Variants in PPP2R3A observed in about 807,000 individuals in gnomAD.
PPP2R3A encodes the protein protein phosphatase 2 regulatory subunit B''alpha.
In PPP2R3A, 80 loss-of-function variants were observed where a neutral mutation model predicts 106.9. That is an observed-to-expected ratio of 0.75 (90% CI 0.62 to 0.90). The LOEUF is 0.90. Among genes scored for constraint, PPP2R3A ranks in the 40% least tolerant of loss-of-function variants. PPP2R3A has a pLI of 0.00. For synonymous variants in PPP2R3A, 483 were observed against 468.3 expected (o/e 1.03, Z -0.41); for missense variants, 1,386 against 1,350.4 (o/e 1.03, Z -0.41).
intron 2 of PPP2R3A, among the ~76,000 whole-genome samples, chr3:136,008,981 C>T (rs1161664878): frequency 6.6e-6 from 1 of 152,090 alleles, no homozygotes; most frequent in African/African-American, 2.4e-5. Flanking sequence ...ATCCCCCACC[C>T]CACTTTCCTC....
At chr3:136,137,806 G>T (rs1938687772) in intron 13 of PPP2R3A, among the ~76,000 whole-genome samples, 1 of 152,112 alleles carries the variant, frequency 6.6e-6, no homozygotes, top group Non-Finnish European at 1.5e-5. Flanking sequence ...CTCCCAAAGT[G>T]CTGGGATTAC....
At chr3:136,011,239 C>T (rs896099020) in intron 2 of PPP2R3A, among the ~76,000 whole-genome samples, 1 of 151,904 alleles carries the variant, frequency 6.6e-6, no homozygotes, top group Admixed American at 6.5e-5. Flanking sequence ...TCCCCTAACA[C>T]TTATCACCCC....
At chr3:136,039,349 T>C (rs535518366) in intron 3 of PPP2R3A, among the ~76,000 whole-genome samples, 1 of 152,292 alleles carries the variant, frequency 6.6e-6, no homozygotes, top group East Asian at 1.9e-4. Context: ...TGTGTAGAAA[T>C]TGAGATGATT....
intron 6 of PPP2R3A, among the ~76,000 whole-genome samples, chr3:136,073,639 A>C (rs1319338404): frequency 6.6e-6 from 1 of 152,238 alleles, no homozygotes; most frequent in Non-Finnish European, 1.5e-5. Flanking sequence ...GGAACATTTC[A>C]CGTGAATATG....
At chr3:136,078,673 G>T (rs1273386884) in intron 7 of PPP2R3A, among the ~76,000 whole-genome samples, 1 of 152,196 alleles carries the variant, frequency 6.6e-6, no homozygotes. Flanking sequence ...ATGCACTCTG[G>T]AGCAAAAGAG....
chr3:136,052,701 C>T (rs966175568), intron 5 of PPP2R3A, among the ~76,000 whole-genome samples: 50 of 152,148 alleles, frequency 3.3e-4, no homozygotes, highest in African/African-American at 9.4e-4. Flanking sequence ...CAGACAACAA[C>T]AAAATCATAA....
intron 13 of PPP2R3A, among the ~76,000 whole-genome samples, chr3:136,132,658 C>T (rs1252745338): frequency 6.6e-6 from 1 of 151,718 alleles, no homozygotes; most frequent in East Asian, 1.9e-4. Context: ...GAAGGCTCAG[C>T]GTTGTTAAAA....
At chr3:136,080,272 C>T (rs138335034) in intron 7 of PPP2R3A, among the ~76,000 whole-genome samples, 1 of 152,202 alleles carries the variant, frequency 6.6e-6, no homozygotes, top group African/African-American at 2.4e-5. Flanking sequence ...ATTACATATT[C>T]CTCTATTGAT....
intron 3 of PPP2R3A, among the ~76,000 whole-genome samples, chr3:136,035,922 CT>C (rs549113511): frequency 0.011 from 1,660 of 149,154 alleles, 27 homozygotes; most frequent in African/African-American, 0.038. Context: ...TTCATATTTT[CT>C]TTTTTTTTTC....
chr3:136,033,352 G>C (rs918416755), intron 3 of PPP2R3A, among the ~76,000 whole-genome samples: 2 of 152,132 alleles, frequency 1.3e-5, no homozygotes, highest in Non-Finnish European at 2.9e-5. Context: ...TGTTTGGTTG[G>C]TTATGTCCTC....
rs369441385 is a variant in PPP2R3A at position 135,988,093 on chromosome 3, C to T, written c.-440-12966C>T. Among the ~76,000 whole-genome samples the T allele has an allele frequency of 1.5e-4, 23 of 152,164 alleles. 1 individual carries two copies. The highest frequency in any genetic ancestry group is 5.1e-4 in the African/African-American group (21 of 41,520). On this transcript the variant is annotated intron_variant, in intron 1 of 13. Coordinates refer to ENST00000264977, the MANE Select transcript of PPP2R3A (RefSeq NM_002718.5). The stretch of plus-strand genomic sequence containing the variant: ...CCTCTGGACACATGTACCTGAATGT[C>T]TTAATAGGCATCTTAAAGTTAACAT...
intron 1 of PPP2R3A, among the ~76,000 whole-genome samples, chr3:135,992,585 A>G (rs1357852914): frequency 6.6e-6 from 1 of 152,182 alleles, no homozygotes; most frequent in Non-Finnish European, 1.5e-5. Context: ...TTAAGATTAT[A>G]TTAACTTCCC....
chr3:136,083,508 C>G (rs6799056), intron 8 of PPP2R3A, among the ~76,000 whole-genome samples: 1 of 151,998 alleles, frequency 6.6e-6, no homozygotes, highest in Non-Finnish European at 1.5e-5. Context: ...TTAAACTCTT[C>G]CCATTATAAA....
chr3:135,971,288 C>A (rs1041695052), intron 1 of PPP2R3A, among the ~76,000 whole-genome samples: 4 of 152,120 alleles, frequency 2.6e-5, no homozygotes, highest in Non-Finnish European at 4.4e-5. Flanking sequence ...AAGCACTGAG[C>A]AAACTGGTTT....
chr3:135,979,224 C>A (rs985916734), intron 1 of PPP2R3A, among the ~76,000 whole-genome samples: 1 of 151,406 alleles, frequency 6.6e-6, no homozygotes, highest in Non-Finnish European at 1.5e-5. Flanking sequence ...ACTAAAAATA[C>A]GAAAATTAGC....
At chr3:136,028,326 G>GA (rs1934740363) in intron 3 of PPP2R3A, among the ~76,000 whole-genome samples, 1 of 152,214 alleles carries the variant, frequency 6.6e-6, no homozygotes, top group African/African-American at 2.4e-5. Flanking sequence ...TAAAGGAAAT[G>GA]AAAAGGAATT....
At chr3:135,997,408 CCTCT>C (rs748743902) in intron 1 of PPP2R3A, among the ~76,000 whole-genome samples, 6 of 152,010 alleles carry the variant, frequency 3.9e-5, no homozygotes, top group African/African-American at 1.2e-4. Context: ...TCTTAGACTC[CCTCT>C]AAGAATTCTG....
At chr3:136,007,024 G>A (rs1933870500) in intron 2 of PPP2R3A, among the ~76,000 whole-genome samples, 1 of 152,156 alleles carries the variant, frequency 6.6e-6, no homozygotes, top group Non-Finnish European at 1.5e-5. Context: ...CGGTTTTCTG[G>A]AGTTTAAAGT....
At chr3:136,133,793 T>A (rs572289744) in intron 13 of PPP2R3A, among the ~76,000 whole-genome samples, 48 of 149,092 alleles carry the variant, frequency 3.2e-4, no homozygotes, top group African/African-American at 1.2e-3. Context: ...TATATATTTT[T>A]AAATATATGT....
Sources: allele counts gnomAD v4.1 joint callset (sites outside exome capture counted in the v4.1 genomes callset), GRCh38; gene constraint gnomAD v4.1.1; transcripts MANE v1.5; gene names NCBI Gene and HGNC (gene_info 2026-07-23, HGNC 2026-07-21).